The following KLHDC1 variants were observed in gnomAD, a reference collection of about 807,000 sequenced individuals.
KLHDC1 encodes the protein kelch domain-containing protein 1.
Under a neutral mutation model 68.3 loss-of-function variants are expected in KLHDC1, and 53 were observed. The observed-to-expected ratio is 0.78, with a 90% confidence interval of 0.62 to 0.98. The LOEUF is 0.98. KLHDC1 is among the 50% of genes least tolerant of loss of function. The pLI, the probability that KLHDC1 is intolerant of heterozygous loss-of-function variation, is 0.00. For missense variants in KLHDC1, 470 were observed against 492.3 expected (o/e 0.95, Z 0.43); for synonymous variants, 148 against 159.0 (o/e 0.93, Z 0.52).
At chr14:49,735,954 G>A (rs1416891825) in intron 10 of KLHDC1, among the ~76,000 whole-genome samples, 1 of 152,138 alleles carries the variant, frequency 6.6e-6, no homozygotes, top group Admixed American at 6.6e-5. Flanking sequence ...GGTTGAGGCT[G>A]CAGTGAGCTG....
At position 49,745,760 on chromosome 14, in the gene KLHDC1, A is replaced by G. The variant is rs139993242; in HGVS notation, c.1034+1955A>G. Among the ~76,000 whole-genome samples, 122 of 152,368 alleles carry G rather than the reference A, an allele frequency of 8.0e-4. 3 individuals are homozygous for G. The East Asian group carries it at 0.023, about 29-fold the overall frequency. ...GAATTCTTGAGCATTCCTGGAATGT[A>G]GTATGAGGCAGAGAGTTGCAAGAAA... On this transcript the variant is annotated intron_variant, in intron 12 of 12. Transcript: ENST00000359332.
At chr14:49,734,524 G>T in intron 9 of KLHDC1, 65 bp from the exon 10 acceptor site, 1 of 871,548 alleles carries the variant, frequency 1.1e-6, no homozygotes, top group Non-Finnish European at 1.8e-6. Context: ...TGATAAATTG[G>T]GGGGAAAATT....
chr14:49,745,381 G>A (rs1363364223), intron 12 of KLHDC1, among the ~76,000 whole-genome samples: 2 of 152,162 alleles, frequency 1.3e-5, no homozygotes, highest in African/African-American at 2.4e-5. Context: ...ACTTTGGATT[G>A]CAAGTTCCTC....
At chr14:49,740,633 C>G (rs1025556667) in intron 11 of KLHDC1, among the ~76,000 whole-genome samples, 1 of 151,772 alleles carries the variant, frequency 6.6e-6, no homozygotes, top group African/African-American at 2.4e-5. Flanking sequence ...GCCACCGCAC[C>G]CAGCAAGGAT....
intron 1 of KLHDC1, among the ~76,000 whole-genome samples, chr14:49,696,851 A>G (rs1489570562): frequency 1.4e-5 from 2 of 137,932 alleles, no homozygotes; most frequent in Non-Finnish European, 3.2e-5. Flanking sequence ...CTTAATTTCT[A>G]GCTTTTGATT....
chr14:49,723,262 C>T (rs984284649), intron 4 of KLHDC1, among the ~76,000 whole-genome samples: 1 of 149,024 alleles, frequency 6.7e-6, no homozygotes, highest in African/African-American at 2.5e-5. Context: ...CACAGCCAAA[C>T]CATATCGCGC....
intron 1 of KLHDC1, among the ~76,000 whole-genome samples, chr14:49,693,587 A>G (rs1887637137): frequency 6.6e-6 from 1 of 151,872 alleles, no homozygotes; most frequent in Admixed American, 6.6e-5. Context: ...AGGCAGTTAC[A>G]GCGCGATTAA....
At position 49,732,769 on chromosome 14, in the gene KLHDC1, A is replaced by G; in HGVS notation, c.776A>G (p.Asp259Gly). ...SWHTLTPIAD[D>G]KLFLCGGLSA... ...CATACTTTAACACCTATAGCTGATG[A>G]TAAACTTTTCCTATGTGGTGGACTA... The change falls in exon 9 of 13, where the codon GAT (aspartate) becomes GGT (glycine). Residue 259 changes from aspartate to glycine, a missense_variant. Physicochemically the swap from Asp to Gly is moderately conservative, Grantham distance 94 (BLOSUM62 -1). Transcript: ENST00000359332. 6.2e-7 allele frequency: 1 copy of G among 1,609,878 alleles called. No individual in the cohort carries two copies. Among genetic ancestry groups the G allele is most frequent in the South Asian group, 1.1e-5 (1 of 90,930 alleles).
rs774957293 is a variant in KLHDC1 at position 49,740,181 on chromosome 14, C to T, written c.980C>T (p.Thr327Ile). ...AAAGATGACTTACTTGCCTTGGATACAGTAAGAAAATCTTATATCTAAATA... is the reference window on the plus strand; with the variant it reads ...AAAGATGACTTACTTGCCTTGGATATAGTAAGAAAATCTTATATCTAAATA... ...GSKDDLLALDTGHCNDLLIFQ... is the reference protein window; with the variant it reads ...GSKDDLLALDIGHCNDLLIFQ... The change falls in exon 11 of 13, where the codon ACA becomes ATA. Residue 327 changes from threonine (T) to isoleucine (I), a missense_variant and splice_region_variant. Thr to Ile is a moderately conservative substitution (Grantham distance 89, BLOSUM62 -1). Transcript: ENST00000359332. The T allele has an allele frequency of 1.9e-6, 3 of 1,564,514 alleles. No homozygotes were observed. The East Asian group carries it at 6.7e-5, about 35-fold the overall frequency.
At chr14:49,737,874 A>AAC (rs1555340793) in intron 10 of KLHDC1, among the ~76,000 whole-genome samples, 1 of 151,574 alleles carries the variant, frequency 6.6e-6, no homozygotes, top group African/African-American at 2.4e-5. Flanking sequence ...CAAAAAAAAA[A>AAC]AAAAAAAAAA....
intron 4 of KLHDC1, among the ~76,000 whole-genome samples, chr14:49,719,436 A>G (rs1888469980): frequency 6.7e-6 from 1 of 149,580 alleles, no homozygotes; most frequent in Non-Finnish European, 1.5e-5. Context: ...TTTTATTTAT[A>G]TATATTTTTT....
intron 12 of KLHDC1, among the ~76,000 whole-genome samples, chr14:49,744,964 G>A (rs1435792733): frequency 1.7e-4 from 26 of 152,154 alleles, no homozygotes; most frequent in Non-Finnish European, 3.8e-4. Flanking sequence ...AAAGGAGTCT[G>A]TACAAAGTTT....
intron 12 of KLHDC1, among the ~76,000 whole-genome samples, chr14:49,744,348 C>T (rs1346162621): frequency 1.3e-5 from 2 of 151,740 alleles, no homozygotes; most frequent in East Asian, 1.9e-4. Flanking sequence ...AATACAGTCA[C>T]TGTTTTGTTT....
At chr14:49,701,625 C>T (rs1446898692) in intron 1 of KLHDC1, among the ~76,000 whole-genome samples, 3 of 151,924 alleles carry the variant, frequency 2.0e-5, no homozygotes, top group African/African-American at 7.3e-5. Context: ...CGCCATTGCA[C>T]TCTAGCCTGG....
chr14:49,739,069 T>C (rs1281302126), intron 10 of KLHDC1, among the ~76,000 whole-genome samples: 1 of 152,220 alleles, frequency 6.6e-6, no homozygotes, highest in Non-Finnish European at 1.5e-5. Context: ...AATGAGCACA[T>C]AAACATTAAA....
intron 4 of KLHDC1, among the ~76,000 whole-genome samples, chr14:49,710,676 A>G (rs746414932): frequency 1.3e-5 from 2 of 152,164 alleles, no homozygotes; most frequent in Non-Finnish European, 2.9e-5. Flanking sequence ...CTGAGCATCA[A>G]TAAAACTAGA....
intron 4 of KLHDC1, among the ~76,000 whole-genome samples, chr14:49,723,108 AAAAAAAG>A (rs1156387722): frequency 6.2e-4 from 93 of 150,442 alleles, no homozygotes; most frequent in Non-Finnish European, 1.0e-3. Context: ...AAAAAAAAAA[AAAAAAAG>A]AAGAGAAAAC....
rs1372854848 is a variant in KLHDC1, at chr14:49,715,468, C to T, written c.404+5087C>T. Among the ~76,000 whole-genome samples the T allele has an allele frequency of 4.0e-5, 6 of 150,276 alleles. No individual in the cohort carries two copies. The South Asian group carries it at 1.1e-3, about 27-fold the overall frequency. On this transcript the variant is annotated intron_variant, in intron 4 of 12. Coordinates refer to ENST00000359332, the MANE Select transcript of KLHDC1 (RefSeq NM_172193.3). ...ATAAAAGTATATATAAAATATAGGC[C>T]GGATGTGGTGGCTCACGCCTGTAAG...
At chr14:49,741,202 A>G (rs1315533389) in intron 11 of KLHDC1, among the ~76,000 whole-genome samples, 1 of 152,224 alleles carries the variant, frequency 6.6e-6, no homozygotes, top group East Asian at 1.9e-4. Context: ...TTTTAGAGTT[A>G]GAACATCATC....
Sources: gnomAD v4.1 joint callset for allele counts (sites outside exome capture counted in the v4.1 genomes callset) on GRCh38, gnomAD v4.1.1 for gene constraint, MANE v1.5 for transcripts, NCBI Gene and HGNC (gene_info 2026-07-23, HGNC 2026-07-21) for gene names.